Variants in PPP5C observed in about 807,000 individuals in gnomAD.
PPP5C encodes serine/threonine-protein phosphatase 5.
Under a neutral mutation model 66.7 loss-of-function variants are expected in PPP5C, and 21 were observed. That is an observed-to-expected ratio of 0.31 (90% CI 0.22 to 0.45). The LOEUF (loss-of-function observed/expected upper bound fraction) is 0.45, where lower values mean the gene tolerates loss of function less well. PPP5C is among the 20% of genes least tolerant of loss of function. PPP5C has a pLI of 1.00. For missense variants in PPP5C, 464 were observed against 675.9 expected (o/e 0.69, Z 3.48); for synonymous variants, 246 against 257.4 (o/e 0.96, Z 0.43).
At chr19:46,385,151 A>G (rs1232579590) in intron 7 of PPP5C, among the ~76,000 whole-genome samples, 1 of 152,244 alleles carries the variant, frequency 6.6e-6, no homozygotes, top group African/African-American at 2.4e-5. Flanking sequence ...ATGGCAAACA[A>G]GGGTGTGAGG....
intron 9 of PPP5C, chr19:46,387,876 C>T (rs978520553): frequency 1.8e-5 from 9 of 494,362 alleles, no homozygotes; most frequent in Non-Finnish European, 2.5e-5. Flanking sequence ...GAAGGCCTCT[C>T]CAGGGAGGCG....
At position 46,390,574 on chromosome 19, in the gene PPP5C, G is replaced by T. The variant is rs1973001974; in HGVS notation, c.*228G>T. 1 of 1,400,746 alleles carries T rather than the reference G, an allele frequency of 7.1e-7. No homozygotes were observed. The highest frequency in any genetic ancestry group is 9.3e-7 in the Non-Finnish European group (1 of 1,076,206). The allele number at this position is 1,400,746 out of a possible 1,614,324, so 86.8% of individuals were successfully genotyped here. ...GAGAGGAAGGAGGTGGAGCAGCTGGGGCTGGGGGCACAGCCTGGGCATTCT... is the reference window on the plus strand; with the variant it reads ...GAGAGGAAGGAGGTGGAGCAGCTGGTGCTGGGGGCACAGCCTGGGCATTCT... On this transcript the variant is annotated 3_prime_UTR_variant, in exon 13 of 13. Transcript: ENST00000012443.
At chr19:46,367,101 T>C (rs1568569368) in intron 2 of PPP5C, among the ~76,000 whole-genome samples, 2 of 152,182 alleles carry the variant, frequency 1.3e-5, no homozygotes, top group African/African-American at 4.8e-5. Flanking sequence ...GCAGGCTATA[T>C]AACTGCATTC....
intron 2 of PPP5C, among the ~76,000 whole-genome samples, chr19:46,359,978 C>T (rs540021417): frequency 6.6e-6 from 1 of 152,158 alleles, no homozygotes; most frequent in Admixed American, 6.5e-5. Flanking sequence ...GGGGTTTCAC[C>T]ACGTTGGCCA....
chr19:46,371,610 G>A (rs998689599), intron 2 of PPP5C, among the ~76,000 whole-genome samples: 3 of 152,094 alleles, frequency 2.0e-5, no homozygotes, highest in Non-Finnish European at 4.4e-5. Context: ...CGAGTTTCTC[G>A]GCACAGCACT....
chr19:46,383,821 C>T lies in PPP5C; in HGVS notation c.741C>T (p.Phe247=), dbSNP rs762149325. 90 of 1,613,952 alleles carry T rather than the reference C, an allele frequency of 5.6e-5. No individual in the cohort carries two copies. Among genetic ancestry groups the T allele is most frequent in the Admixed American group, 3.0e-4 (18 of 59,992 alleles). ...TATGTGGGGACACCCATGGCCAGTT[C>T]TATGACCTCCTCAACATATTCGAGC... ...ITVCGDTHGQ[F]YDLLNIFELN... is the part of the protein sequence containing the mutation. The change falls in exon 6 of 13, where the codon TTC becomes TTT. Residue 247 remains phenylalanine (F), a synonymous_variant. Transcript: ENST00000012443. The surrounding 1 kb of genome is among the most constrained non-coding windows in gnomAD (Gnocchi z 5.0).
intron 4 of PPP5C, among the ~76,000 whole-genome samples, chr19:46,378,489 T>C (rs922158530): frequency 6.6e-6 from 1 of 152,236 alleles, no homozygotes. Flanking sequence ...TTGAGACTGC[T>C]GTTAAAAATC....
At chr19:46,364,138 G>A (rs181426826) in intron 2 of PPP5C, among the ~76,000 whole-genome samples, 108 of 152,280 alleles carry the variant, frequency 7.1e-4, no homozygotes, top group Non-Finnish European at 1.4e-3. Flanking sequence ...GAGGGATTGT[G>A]TATAATTAGG....
chr19:46,385,028 C>T (rs961452040), intron 7 of PPP5C, 119 bp downstream of exon 7: 29 of 789,948 alleles, frequency 3.7e-5, no homozygotes, highest in African/African-American at 2.7e-4. Flanking sequence ...ATGCACAGGG[C>T]GACCTTTTAA....
At position 46,390,450 on chromosome 19, in the gene PPP5C, C is replaced by A; in HGVS notation, c.*104C>A. ...GCCCCGCCCCAGGGCAATGTTGGAC[C>A]CCCTTTTACTTTGTAAAGTTTGTAT... On this transcript the variant is annotated 3_prime_UTR_variant, in exon 13 of 13. Coordinates refer to ENST00000012443, the MANE Select transcript of PPP5C (RefSeq NM_006247.4). 1 of 1,529,378 alleles carries A rather than the reference C, an allele frequency of 6.5e-7. No individual in the cohort carries two copies. Among genetic ancestry groups the A allele is most frequent in the Non-Finnish European group, 8.8e-7 (1 of 1,136,298 alleles). The allele number at this position is 1,529,378 out of a possible 1,614,324, so 94.7% of individuals were successfully genotyped here. A position where few individuals can be genotyped will look rare whatever the true frequency, so the allele number is the denominator to read the frequency against.
chr19:46,371,402 C>T, intron 2 of PPP5C, among the ~76,000 whole-genome samples: 1 of 152,186 alleles, frequency 6.6e-6, no homozygotes, highest in East Asian at 1.9e-4. Flanking sequence ...CGCCAGGGCC[C>T]AGGGTGTGAC....
chr19:46,365,306 CG>C (rs976396646), intron 2 of PPP5C, among the ~76,000 whole-genome samples: 14 of 150,938 alleles, frequency 9.3e-5, no homozygotes, highest in Admixed American at 9.2e-4. Context: ...TTAGTAGAGG[CG>C]GGGTTTCACG....
chr19:46,370,321 A>G (rs1247584315), intron 2 of PPP5C, among the ~76,000 whole-genome samples: 1 of 152,124 alleles, frequency 6.6e-6, no homozygotes, highest in African/African-American at 2.4e-5. Flanking sequence ...TTTGCTTTTT[A>G]AACTTTTTTG....
chr19:46,386,581 G>A (rs1401541651), intron 7 of PPP5C: 1 of 164,434 alleles, frequency 6.1e-6, no homozygotes, highest in Non-Finnish European at 1.3e-5. Flanking sequence ...CTCAGGGTGG[G>A]GTGGGCTGGG....
At chr19:46,364,447 A>G (rs1271914859) in intron 2 of PPP5C, among the ~76,000 whole-genome samples, 1 of 152,134 alleles carries the variant, frequency 6.6e-6, no homozygotes, top group Non-Finnish European at 1.5e-5. Context: ...TCTAGTCTCA[A>G]AAAAATGTTT....
Position 46,387,205 on chromosome 19 carries a change from G to T in PPP5C, c.1017G>T (p.Pro339=), listed in dbSNP as rs141948909. Residue 339 remains proline (P), a synonymous_variant, in exon 8 of 13, where the codon CCG becomes CCT. Coordinates refer to ENST00000012443, the MANE Select transcript of PPP5C (RefSeq NM_006247.4). The part of the protein sequence containing the change: ...ELFSEVFEWL[P]LAQCINGKVL... The stretch of plus-strand genomic sequence containing the variant: ...TTAGCGAGGTGTTCGAGTGGCTCCC[G>T]TTGGCCCAGTGCATCAACGGCAAAG... 53 of 1,614,110 alleles carry T rather than the reference G, an allele frequency of 3.3e-5. No homozygotes were observed. The highest frequency in any genetic ancestry group is 4.2e-5 in the Non-Finnish European group (50 of 1,180,046).
chr19:46,350,137 G>C (rs550531026), intron 1 of PPP5C, among the ~76,000 whole-genome samples: 21 of 152,278 alleles, frequency 1.4e-4, no homozygotes, highest in Non-Finnish European at 1.3e-4. Context: ...GAGGCTGCGA[G>C]GCCAGGTGGA....
intron 2 of PPP5C, among the ~76,000 whole-genome samples, chr19:46,368,086 G>C (rs137893221): frequency 6.6e-6 from 1 of 152,180 alleles, no homozygotes; most frequent in African/African-American, 2.4e-5. Context: ...CTCTACCTAG[G>C]AAAATTGTAA....
In PPP5C at chr19:46,387,383, G is replaced by T; in HGVS notation, c.1065G>T (p.Leu355=). 2 of 1,610,732 alleles carry T rather than the reference G, an allele frequency of 1.2e-6. No homozygotes were observed. Among genetic ancestry groups the T allele is most frequent in the South Asian group, 2.2e-5 (2 of 90,948 alleles). The change falls in exon 9 of 13, where the codon CTG becomes CTT. Residue 355 remains leucine, a synonymous_variant. Transcript: ENST00000012443. ...NGKVLIMHGG[L]FSEDGVTLDD... is the part of the protein sequence containing the mutation. Reference sequence around the variant, plus strand: ...CTCCCCAGATCATGCACGGAGGCCTGTTCAGTGAAGACGGTGTCACCCTGG... The same window carrying T: ...CTCCCCAGATCATGCACGGAGGCCTTTTCAGTGAAGACGGTGTCACCCTGG...
Sources: gnomAD v4.1 joint callset for allele counts (sites outside exome capture counted in the v4.1 genomes callset) on GRCh38, gnomAD v4.1.1 for gene constraint, Gnocchi (gnomAD v3.1) non-coding constraint, MANE v1.5 for transcripts, NCBI Gene and HGNC (gene_info 2026-07-23, HGNC 2026-07-21) for gene names.